The following SLIT3 variants were observed in gnomAD, a reference collection of about 807,000 sequenced individuals.
The protein encoded by SLIT3 is slit homolog 3 protein.
SLIT3 carries 68 observed loss-of-function variants against 184.0 expected under a neutral mutation model. The ratio of observed to expected loss-of-function variants is 0.37; its 90% CI spans 0.30 to 0.45. The LOEUF (loss-of-function observed/expected upper bound fraction) is 0.45, where lower values mean the gene tolerates loss of function less well. SLIT3 is among the 20% of genes least tolerant of loss of function. The pLI is 1.00. For missense variants in SLIT3, 1,707 were observed against 2,026.0 expected, an observed-to-expected ratio of 0.84 and a Z score of 3.02; for synonymous variants, 831 against 828.6, an observed-to-expected ratio of 1.00 and a Z score of -0.05.
intron 4 of SLIT3, among the ~76,000 whole-genome samples, chr5:168,933,346 A>T (rs1762054607): frequency 6.6e-6 from 1 of 152,162 alleles, no homozygotes; most frequent in Admixed American, 6.5e-5. Flanking sequence ...GATCGAGACC[A>T]TCCTAGCCAA....
chr5:169,121,399 G>A (rs1358660396), intron 4 of SLIT3, among the ~76,000 whole-genome samples: 10 of 152,114 alleles, frequency 6.6e-5, no homozygotes, highest in East Asian at 1.9e-4. Flanking sequence ...AAAAGAACCC[G>A]CCCCTGCAAC....
At chr5:168,883,519 G>A (rs574701190) in intron 4 of SLIT3, among the ~76,000 whole-genome samples, 183 bp from the exon 5 acceptor site, 10 of 152,352 alleles carry the variant, frequency 6.6e-5, no homozygotes, top group South Asian at 4.1e-4. Flanking sequence ...AGTGATGGCC[G>A]TTGCTGAAAT....
intron 4 of SLIT3, among the ~76,000 whole-genome samples, chr5:168,977,023 G>T (rs1012969859): frequency 1.3e-5 from 2 of 152,054 alleles, no homozygotes; most frequent in African/African-American, 2.4e-5. Context: ...CTGTGAATTT[G>T]GGGGAGGGGT....
intron 4 of SLIT3, among the ~76,000 whole-genome samples, chr5:169,146,739 A>G (rs1161110680): frequency 6.6e-6 from 1 of 152,138 alleles, no homozygotes; most frequent in Non-Finnish European, 1.5e-5. Context: ...CTTCAAACCA[A>G]TATAATCCTG....
intron 8 of SLIT3, among the ~76,000 whole-genome samples, chr5:168,808,127 G>T (rs1187939975): frequency 4.6e-5 from 7 of 152,174 alleles, no homozygotes; most frequent in Admixed American, 3.9e-4. Flanking sequence ...GGACCTCAAA[G>T]TTGCCAGTGC....
chr5:169,176,405 G>A lies in SLIT3; in HGVS notation c.413+17074C>T, dbSNP rs531994927. Among the ~76,000 whole-genome samples the A allele has an allele frequency of 2.3e-4, 35 of 152,212 alleles. No individual in the cohort carries two copies. The East Asian group carries it at 2.3e-3, about 10-fold the overall frequency. On this transcript the variant is annotated intron_variant, in intron 4 of 35. Transcript: ENST00000519560. ...TTTCAGAGTCTCGATTTTCTCTTCC[G>A]TCAAATGGGTTTCTAATACTTACTA...
intron 4 of SLIT3, among the ~76,000 whole-genome samples, chr5:169,190,889 A>G (rs1307487860): frequency 1.3e-5 from 2 of 152,222 alleles, no homozygotes; most frequent in African/African-American, 4.8e-5. Context: ...AAAATAAGAC[A>G]ATGACACAAG....
At chr5:169,098,571 G>C (rs536930314) in intron 4 of SLIT3, among the ~76,000 whole-genome samples, 1 of 152,272 alleles carries the variant, frequency 6.6e-6, no homozygotes, top group Non-Finnish European at 1.5e-5. Context: ...ATTCCAGACA[G>C]ACAGATGTCC....
In SLIT3 at chr5:168,849,471, G is replaced by A. The variant is rs760627029; in HGVS notation, c.486-4816C>T. Among the ~76,000 whole-genome samples, 106 of 152,324 alleles carry A rather than the reference G, an allele frequency of 7.0e-4. 1 individual carries two copies. The highest frequency in any genetic ancestry group is 1.9e-4 in the Non-Finnish European group (13 of 68,046). On this transcript the variant is annotated intron_variant, in intron 5 of 35. Transcript: ENST00000519560. ...TCCCTACCAAATGTGCCAAATAAGT[G>A]TGGGGACTTCTGCATGAAATTCACA... is the stretch of plus-strand genomic sequence containing the variant.
chr5:168,766,691 G>A (rs67036340), intron 14 of SLIT3, among the ~76,000 whole-genome samples: 16,613 of 152,246 alleles, frequency 0.11, 1,007 homozygotes, highest in African/African-American at 0.16. Context: ...CAGAGGCCTG[G>A]TCCCTGCCAT....
At chr5:169,090,423 G>A (rs1028254059) in intron 4 of SLIT3, among the ~76,000 whole-genome samples, 1 of 152,140 alleles carries the variant, frequency 6.6e-6, no homozygotes, top group Non-Finnish European at 1.5e-5. Context: ...ACAACCCCAC[G>A]GAGTCACAGA....
chr5:168,777,074 C>G (rs967233275), intron 12 of SLIT3, among the ~76,000 whole-genome samples: 6 of 24,818 alleles, frequency 2.4e-4, no homozygotes, highest in Non-Finnish European at 2.8e-4. Flanking sequence ...AACACACACA[C>G]ACACACACAC....
At chr5:169,177,665 G>T (rs980592640) in intron 4 of SLIT3, among the ~76,000 whole-genome samples, 1 of 152,202 alleles carries the variant, frequency 6.6e-6, no homozygotes, top group African/African-American at 2.4e-5. Flanking sequence ...TAAAGGAGAA[G>T]TAACTATCTG....
chr5:169,038,076 G>A (rs1239794933), intron 4 of SLIT3: 4 of 152,100 alleles, frequency 2.6e-5, no homozygotes, highest in African/African-American at 9.7e-5. Context: ...CCTCTCATGT[G>A]CCAATACTTT....
At chr5:168,907,965 T>TAGAG (rs1315715773) in intron 4 of SLIT3, among the ~76,000 whole-genome samples, 12 of 80,084 alleles carry the variant, frequency 1.5e-4, no homozygotes, top group Middle Eastern at 7.6e-3. Flanking sequence ...TATATATATA[T>TAGAG]ATATATATAT....
intron 4 of SLIT3, among the ~76,000 whole-genome samples, chr5:169,055,039 C>G (rs1263010492): frequency 1.3e-5 from 2 of 152,210 alleles, no homozygotes; most frequent in South Asian, 4.1e-4. Context: ...TTAGTAAATT[C>G]TTGTTAAACA....
rs528692408 is a variant in SLIT3, at chr5:168,753,135, A to C, written c.1830-37T>G. The C allele has an allele frequency of 3.0e-5, 49 of 1,610,286 alleles. No homozygotes were observed. The South Asian group carries it at 5.3e-4, about 17-fold the overall frequency. On this transcript the variant is annotated intron_variant, in intron 17 of 35. Coordinates refer to ENST00000519560, the MANE Select transcript of SLIT3 (RefSeq NM_003062.4). ...GGGGTGGGGATGAGAGAGCACAGGC[A>C]TGATCTTTTCTGTCCCAAATGGTGC...
chr5:168,947,332 G>A (rs1762511554), intron 4 of SLIT3, among the ~76,000 whole-genome samples: 1 of 152,164 alleles, frequency 6.6e-6, no homozygotes, highest in South Asian at 2.1e-4. Context: ...CATCTCTGCA[G>A]ACTGCACTCT....
chr5:168,989,875 T>A (rs1456273437), intron 4 of SLIT3, among the ~76,000 whole-genome samples: 1 of 152,216 alleles, frequency 6.6e-6, no homozygotes, highest in Admixed American at 6.5e-5. Flanking sequence ...AGGGGCCAGG[T>A]TGAATGTCCC....
Sources: gnomAD v4.1 joint callset for allele counts (sites outside exome capture counted in the v4.1 genomes callset) on GRCh38, gnomAD v4.1.1 for gene constraint, MANE v1.5 for transcripts, NCBI Gene and HGNC (gene_info 2026-07-23, HGNC 2026-07-21) for gene names.